Variants in CTNNA2 observed in about 807,000 individuals in gnomAD.
The protein encoded by CTNNA2 is catenin alpha 2.
Under a neutral mutation model 101.0 loss-of-function variants are expected in CTNNA2, and 42 were observed. The observed-to-expected ratio is 0.42, with a 90% CI of 0.32 to 0.54. The LOEUF (loss-of-function observed/expected upper bound fraction) is 0.54, where lower values mean the gene tolerates loss of function less well. CTNNA2 is among the 20% of genes least tolerant of loss of function. The probability of loss-of-function intolerance (pLI) is 0.14; values close to 1 mark genes in which losing one functional copy is unlikely to be tolerated. For missense variants in CTNNA2, 871 were observed against 1,223.1 expected (o/e 0.71, Z 4.29); for synonymous variants, 450 against 456.4 (o/e 0.99, Z 0.18).
chr2:79,665,621 A>C (rs747200988), intron 2 of CTNNA2, among the ~76,000 whole-genome samples: 1 of 152,210 alleles, frequency 6.6e-6, no homozygotes, highest in Non-Finnish European at 1.5e-5. Context: ...AGAAAATTAT[A>C]CTATCTTTTA....
At chr2:80,319,613 T>C (rs924966496) in intron 7 of CTNNA2, among the ~76,000 whole-genome samples, 11 of 152,204 alleles carry the variant, frequency 7.2e-5, no homozygotes, top group African/African-American at 2.7e-4. Flanking sequence ...AGCAATACTT[T>C]GTGACTTTGG....
intron 4 of CTNNA2, among the ~76,000 whole-genome samples, chr2:79,442,955 C>T (rs1185800124): frequency 6.6e-6 from 1 of 152,122 alleles, no homozygotes; most frequent in African/African-American, 2.4e-5. Flanking sequence ...CACAACTCTT[C>T]ACTGATCCTT....
At chr2:80,563,761 C>G (rs1693813589) in intron 12 of CTNNA2, among the ~76,000 whole-genome samples, 1 of 152,154 alleles carries the variant, frequency 6.6e-6, no homozygotes, top group Non-Finnish European at 1.5e-5. Context: ...TCTAACCAGA[C>G]CAGAGAAGCC....
At chr2:80,621,999 G>A (rs578222875) in intron 18 of CTNNA2, among the ~76,000 whole-genome samples, 24 of 152,052 alleles carry the variant, frequency 1.6e-4, no homozygotes, top group African/African-American at 5.1e-4. Flanking sequence ...ACAGGGAAGC[G>A]TTCCAGGTCT....
At chr2:79,692,135 G>T (rs1684346418) in intron 2 of CTNNA2, among the ~76,000 whole-genome samples, 1 of 152,030 alleles carries the variant, frequency 6.6e-6, no homozygotes, top group Admixed American at 6.6e-5. Flanking sequence ...CTGACAAAGG[G>T]CTAATATCCA....
intron 1 of CTNNA2, among the ~76,000 whole-genome samples, chr2:79,615,710 A>G (rs1678574231): frequency 6.6e-6 from 1 of 152,152 alleles, no homozygotes; most frequent in Non-Finnish European, 1.5e-5. Flanking sequence ...TCTGTAAGGC[A>G]TATTCATATT....
intron 7 of CTNNA2, among the ~76,000 whole-genome samples, chr2:80,178,982 A>G (rs1705582258): frequency 6.6e-6 from 1 of 152,224 alleles, no homozygotes; most frequent in Admixed American, 6.5e-5. Context: ...ATGGACCAGT[A>G]TGATATCTTG....
intron 7 of CTNNA2, among the ~76,000 whole-genome samples, chr2:80,072,594 C>T (rs1167131183): frequency 1.3e-5 from 2 of 152,102 alleles, no homozygotes; most frequent in African/African-American, 4.8e-5. Context: ...AAAGCCCTGC[C>T]ACTAAGACAG....
At chr2:80,097,758 G>C (rs1044871400) in intron 7 of CTNNA2, among the ~76,000 whole-genome samples, 2 of 151,540 alleles carry the variant, frequency 1.3e-5, no homozygotes, top group Non-Finnish European at 1.5e-5. Context: ...CATTCATTTC[G>C]TCTTCCATCG....
chr2:79,306,188 A>G (rs558705606), intron 2 of CTNNA2, among the ~76,000 whole-genome samples: 26 of 152,156 alleles, frequency 1.7e-4, no homozygotes, highest in Non-Finnish European at 3.4e-4. Context: ...AAGAAATTGA[A>G]CTCACTCAAG....
At chr2:79,628,480 A>G (rs1479932239) in intron 1 of CTNNA2, among the ~76,000 whole-genome samples, 1 of 152,096 alleles carries the variant, frequency 6.6e-6, no homozygotes, top group Non-Finnish European at 1.5e-5. Flanking sequence ...AATTTGCTTC[A>G]ATATCCGGTT....
At chr2:79,464,593 C>T (rs1670914136) in intron 4 of CTNNA2, among the ~76,000 whole-genome samples, 1 of 152,142 alleles carries the variant, frequency 6.6e-6, no homozygotes, top group South Asian at 2.1e-4. Context: ...AGTTTACAGT[C>T]CCACCAACAG....
At chr2:80,572,918 C>G (rs1347968271) in intron 12 of CTNNA2, 1 of 152,210 alleles carries the variant, frequency 6.6e-6, no homozygotes, top group African/African-American at 2.4e-5. Flanking sequence ...CTGTCTCCCC[C>G]TCCTTTTTTA....
chr2:79,505,128 C>T (rs1035331298), exon 5 of CTNNA2: 1 of 152,520 alleles, frequency 6.6e-6, no homozygotes. Flanking sequence ...TGTTCCAGCT[C>T]TGACTCAGAT....
At chr2:79,723,563 G>A (rs1686621938) in intron 2 of CTNNA2, among the ~76,000 whole-genome samples, 1 of 152,120 alleles carries the variant, frequency 6.6e-6, no homozygotes, top group Admixed American at 6.5e-5. Flanking sequence ...GAAGATCTTG[G>A]ATGGATTAAA....
At chr2:80,612,547 T>C (rs1272419438) in intron 17 of CTNNA2, among the ~76,000 whole-genome samples, 2 of 151,430 alleles carry the variant, frequency 1.3e-5, no homozygotes, top group Non-Finnish European at 3.0e-5. Context: ...CCAATACAAA[T>C]TAGGGAAAAG....
chr2:80,216,223 G>A (rs992990771), intron 7 of CTNNA2, among the ~76,000 whole-genome samples: 5 of 152,152 alleles, frequency 3.3e-5, no homozygotes, highest in Non-Finnish European at 7.3e-5. Flanking sequence ...GTGAGGTGAT[G>A]CCCCGCCCTG....
Position 79,651,619 on chromosome 2 carries a change from G to T in CTNNA2, c.63G>T (p.Thr21=), listed in dbSNP as rs765981041. 1.2e-6 allele frequency: 2 copies of T among 1,613,800 alleles called. No homozygotes were observed. The highest frequency in any genetic ancestry group is 1.7e-6 in the Non-Finnish European group (2 of 1,179,826). The change falls in exon 2 of 19, where the codon ACG becomes ACT. Residue 21 remains threonine, a synonymous_variant. Transcript: ENST00000402739. ...KWDPKSLEIR[T]LTVERLLEPL... is the part of the protein sequence containing the mutation. ...ACCCCAAAAGTTTGGAAATCCGGAC[G>T]CTAACAGTGGAAAGGCTGTTGGAGC...
chr2:79,404,664 G>A (rs953880533), intron 4 of CTNNA2, among the ~76,000 whole-genome samples: 2 of 152,058 alleles, frequency 1.3e-5, no homozygotes, highest in African/African-American at 2.4e-5. Context: ...CAATGGGCAT[G>A]AGAGAAAAGG....
Sources: gnomAD v4.1 joint callset for allele counts (sites outside exome capture counted in the v4.1 genomes callset) on GRCh38, gnomAD v4.1.1 for gene constraint, MANE v1.5 for transcripts, NCBI Gene and HGNC (gene_info 2026-07-23, HGNC 2026-07-21) for gene names.